The following CHD5 variants were observed in gnomAD, a reference collection of about 807,000 sequenced individuals.
The protein encoded by CHD5 is chromodomain helicase DNA binding protein 5.
A neutral mutation model predicts 230.3 loss-of-function variants in CHD5; 69 were observed. The ratio of observed to expected loss-of-function variants is 0.30; its 90% CI spans 0.25 to 0.37. The LOEUF (loss-of-function observed/expected upper bound fraction) is 0.37, where lower values mean the gene tolerates loss of function less well. Ranked by LOEUF, CHD5 falls within the 10% of genes least tolerant of loss-of-function variation. The probability of loss-of-function intolerance (pLI) is 1.00; values close to 1 mark genes in which losing one functional copy is unlikely to be tolerated. For synonymous variants in CHD5, 1,064 were observed against 1,065.9 expected (o/e 1.00, Z 0.03); for missense variants, 1,827 against 2,622.8 (o/e 0.70, Z 6.63).
In CHD5 at chr1:6,134,375, C is replaced by T; in HGVS notation, c.3013-116G>A. 4 of 1,275,602 alleles carry T rather than the reference C, an allele frequency of 3.1e-6. No homozygotes were observed. Among genetic ancestry groups the T allele is most frequent in the Non-Finnish European group, 4.4e-6 (4 of 912,316 alleles). 79.0% of individuals were successfully genotyped at this position (1,275,602 alleles called of 1,614,324 possible). On this transcript the variant is annotated intron_variant, in intron 19 of 41. Transcript: ENST00000262450. The surrounding 1 kb of genome is among the most constrained non-coding windows in gnomAD (Gnocchi z 6.3). ...GAGCAATGGGGTGATGGCCTGTCTG[C>T]CCACTGAACATGAGACCCACACCCG...
At position 6,134,766 on chromosome 1, in the gene CHD5, G is replaced by A; in HGVS notation, c.2964C>T (p.Asp988=). Residue 988 remains aspartate, a synonymous_variant, in exon 19 of 42, where the codon GAC becomes GAT. Transcript: ENST00000262450. The surrounding 1 kb of genome is among the most constrained non-coding windows in gnomAD (Gnocchi z 6.3). The part of the protein sequence containing the change: ...NQVSLLNIMM[D]LKKCCNHPYL... ...AGGGGTGGTTGCAGCACTTTTTCAGGTCCATCATGATGTTGAGCAGCGATA... is the reference window on the plus strand; with the variant it reads ...AGGGGTGGTTGCAGCACTTTTTCAGATCCATCATGATGTTGAGCAGCGATA... 2 of 1,614,106 alleles carry A rather than the reference G, an allele frequency of 1.2e-6. 1 individual carries two copies. Among genetic ancestry groups the A allele is most frequent in the South Asian group, 2.2e-5 (2 of 91,072 alleles).
At chr1:6,153,734 G>A (rs1227806709) in intron 5 of CHD5, among the ~76,000 whole-genome samples, 1 of 152,198 alleles carries the variant, frequency 6.6e-6, no homozygotes, top group Non-Finnish European at 1.5e-5. Flanking sequence ...AGGAGGCTGA[G>A]GCAGGAGAAT....
Position 6,167,568 on chromosome 1 carries a change from C to T in CHD5, c.207+582G>A, listed in dbSNP as rs1203310272. On this transcript the variant is annotated intron_variant, in intron 2 of 41. Coordinates refer to ENST00000262450, the MANE Select transcript of CHD5 (RefSeq NM_015557.3). The surrounding 1 kb of genome is among the most constrained non-coding windows in gnomAD (Gnocchi z 4.5). The stretch of plus-strand genomic sequence containing the variant: ...TGATCATGAGGATCAAGTGAGCCCG[C>T]GTGAAGCACAGAGAAGCACACTCGG... Among the ~76,000 whole-genome samples the T allele has an allele frequency of 2.0e-5, 3 of 152,186 alleles. No homozygotes were observed. Among genetic ancestry groups the T allele is most frequent in the East Asian group, 3.8e-4 (2 of 5,200 alleles).
rs1666624622 is a variant in CHD5, at chr1:6,129,742, G to T, written c.3387+462C>A. 6.6e-6 allele frequency among the ~76,000 whole-genome samples: 1 copy of T among 151,684 alleles called. No individual in the cohort carries two copies. The highest frequency in any genetic ancestry group is 6.6e-5 in the Admixed American group (1 of 15,236). On this transcript the variant is annotated intron_variant, in intron 22 of 41. Coordinates refer to ENST00000262450, the MANE Select transcript of CHD5 (RefSeq NM_015557.3). The surrounding 1 kb of genome is among the most constrained non-coding windows in gnomAD (Gnocchi z 6.8). ...CTATTCCCATACCCCTCCCCCCACA[G>T]CCCTTCCATCCTTCCTTACAGCCCC...
rs964890910 is a variant in CHD5, at chr1:6,105,034, T to A, written c.*440A>T. ...TGAGTCCACAGGGCAGTGCCAGGACTACCTTGGGTCTGGAACCCATCGGTA... is the reference window on the plus strand; with the variant it reads ...TGAGTCCACAGGGCAGTGCCAGGACAACCTTGGGTCTGGAACCCATCGGTA... On this transcript the variant is annotated 3_prime_UTR_variant, in exon 42 of 42. Transcript: ENST00000262450. This position sits in a 1 kb window ranked among gnomAD's most constrained non-coding sequence, Gnocchi z 4.8. 1 of 251,268 alleles carries A rather than the reference T, an allele frequency of 4.0e-6. No homozygotes were observed. The highest frequency in any genetic ancestry group is 2.3e-5 in the African/African-American group (1 of 43,708). 15.6% of individuals were successfully genotyped at this position (251,268 alleles called of 1,614,324 possible). A position where few individuals can be genotyped will look rare whatever the true frequency, so the allele number is the denominator to read the frequency against.
At chr1:6,143,747 AC>A in intron 13 of CHD5, 75 bp downstream of exon 13, 2 of 1,277,744 alleles carry the variant, frequency 1.6e-6, no homozygotes, top group Admixed American at 1.7e-5. Flanking sequence ...GAGAACACAC[AC>A]CCCCTGCACA....
intron 3 of CHD5, 49 bp downstream of exon 3, chr1:6,159,287 C>T: frequency 6.5e-7 from 1 of 1,548,696 alleles, no homozygotes; most frequent in Admixed American, 2.0e-5. Context: ...GCTCAGCCCC[C>T]TTAAAGGGGG....
chr1:6,128,672 G>A lies in CHD5; in HGVS notation c.3620-63C>T. ...CAGAGGGCTGCAGGGTTGGCGGGCAGTGCCCAGAGACACCACCCTGGGCTG... is the reference window on the plus strand; with the variant it reads ...CAGAGGGCTGCAGGGTTGGCGGGCAATGCCCAGAGACACCACCCTGGGCTG... On this transcript the variant is annotated intron_variant, in intron 23 of 41. Transcript: ENST00000262450. This position sits in a 1 kb window ranked among gnomAD's most constrained non-coding sequence, Gnocchi z 7.8. The A allele has an allele frequency of 1.4e-6, 2 of 1,426,830 alleles. No individual in the cohort carries two copies. The highest frequency in any genetic ancestry group is 2.0e-6 in the Non-Finnish European group (2 of 1,017,194). The allele number at this position is 1,426,830 out of a possible 1,614,324, so 88.4% of individuals were successfully genotyped here.
At chr1:6,164,024 G>A (rs542172950) in intron 2 of CHD5, among the ~76,000 whole-genome samples, 1 of 152,364 alleles carries the variant, frequency 6.6e-6, no homozygotes, top group East Asian at 1.9e-4. Flanking sequence ...GGGGCAGGCA[G>A]GAGGGGTCTC....
chr1:6,128,427 G>A lies in CHD5; in HGVS notation c.3730+72C>T. ...AGGACGCCCAAGTGAGGGCAGGTCA[G>A]GGAACCCCTCCTCTGCAGGAGCAGC... is the stretch of plus-strand genomic sequence containing the variant. On this transcript the variant is annotated intron_variant, in intron 24 of 41. Transcript: ENST00000262450. The surrounding 1 kb of genome is among the most constrained non-coding windows in gnomAD (Gnocchi z 7.8). The A allele has an allele frequency of 7.4e-7, 1 of 1,350,008 alleles. No homozygotes were observed. The highest frequency in any genetic ancestry group is 1.0e-6 in the Non-Finnish European group (1 of 952,754). 83.6% of individuals were successfully genotyped at this position (1,350,008 alleles called of 1,614,324 possible).
intron 2 of CHD5, among the ~76,000 whole-genome samples, chr1:6,162,193 C>T (rs919825449): frequency 2.0e-5 from 3 of 151,904 alleles, no homozygotes; most frequent in Non-Finnish European, 4.4e-5. Context: ...ACTAGCCTGA[C>T]CAACTTGGAG....
In CHD5 at chr1:6,106,642, G is replaced by A. The variant is rs1349809904; in HGVS notation, c.5716C>T (p.Arg1906Cys). The change falls in exon 39 of 42, where the codon CGC (arginine) becomes TGC (cysteine). Residue 1906 changes from arginine (R) to cysteine (C), a missense_variant. This residue lies in a region of CHD5 where 208 missense variants were observed against 302.0 expected (regional missense o/e 0.69). Transcript: ENST00000262450. The part of the protein sequence containing the change: ...ERSILSRLTN[R>C]AGDPTIQQGA... ...TGCTGGATGGTGGGGTCCCCGGCGCGGTTGGTCAGGCGGCTCAGGATGCTG... is the reference window on the plus strand; with the variant it reads ...TGCTGGATGGTGGGGTCCCCGGCGCAGTTGGTCAGGCGGCTCAGGATGCTG... 6 of 1,598,460 alleles carry A rather than the reference G, an allele frequency of 3.8e-6. No individual in the cohort carries two copies. Among genetic ancestry groups the A allele is most frequent in the South Asian group, 1.1e-5 (1 of 89,052 alleles).
intron 11 of CHD5, among the ~76,000 whole-genome samples, chr1:6,145,862 C>T (rs1261686243): frequency 1.3e-5 from 2 of 152,214 alleles, no homozygotes; most frequent in Admixed American, 6.5e-5. Context: ...GTTACAAACG[C>T]GGGGGAAATG....
chr1:6,171,899 C>A (rs1667343825), intron 1 of CHD5, among the ~76,000 whole-genome samples: 1 of 152,272 alleles, frequency 6.6e-6, no homozygotes, highest in Admixed American at 6.5e-5. Context: ...CCTGGCAGTG[C>A]CCTCATGCAC....
chr1:6,154,541 T>A lies in CHD5; in HGVS notation c.745+119A>T. 1 of 877,924 alleles carries A rather than the reference T, an allele frequency of 1.1e-6. No homozygotes were observed. Among genetic ancestry groups the A allele is most frequent in the South Asian group, 2.0e-5 (1 of 50,900 alleles). 54.4% of individuals were successfully genotyped at this position (877,924 alleles called of 1,614,324 possible). On this transcript the variant is annotated intron_variant, in intron 5 of 41. Coordinates refer to ENST00000262450, the MANE Select transcript of CHD5 (RefSeq NM_015557.3). This position sits in a 1 kb window ranked among gnomAD's most constrained non-coding sequence, Gnocchi z 7.0. ...CCAAGGTCACACAGGCACAGAGCCC[T>A]CCATTAGGAGCACCCCAGCTGCCCC...
chr1:6,164,512 G>A (rs1167842788), intron 2 of CHD5, among the ~76,000 whole-genome samples: 11 of 152,280 alleles, frequency 7.2e-5, no homozygotes, highest in African/African-American at 2.2e-4. Flanking sequence ...TCCACGACTT[G>A]CTGCCGGCCT....
chr1:6,160,447 G>A (rs60980468), intron 2 of CHD5, among the ~76,000 whole-genome samples: 3 of 131,564 alleles, frequency 2.3e-5, no homozygotes, highest in Admixed American at 7.7e-5. Flanking sequence ...CCCCAGCCAG[G>A]GAAGGGCCCC....
chr1:6,127,943 G>A, intron 25 of CHD5, 103 bp downstream of exon 25: 1 of 1,048,046 alleles, frequency 9.5e-7, no homozygotes, highest in Non-Finnish European at 1.4e-6. Flanking sequence ...AGGGCTGGCT[G>A]CGGCGGGAGG....
At chr1:6,147,998 C>T (rs769184553) in intron 9 of CHD5, among the ~76,000 whole-genome samples, 1 of 152,088 alleles carries the variant, frequency 6.6e-6, no homozygotes. Flanking sequence ...CTCCTGCCCC[C>T]CTCCCATCCC....
Sources: allele counts gnomAD v4.1 joint callset (sites outside exome capture counted in the v4.1 genomes callset), GRCh38; gene constraint gnomAD v4.1.1; regional missense constraint gnomAD v4.1.1; non-coding constraint Gnocchi (gnomAD v3.1); transcripts MANE v1.5; gene names NCBI Gene and HGNC (gene_info 2026-07-23, HGNC 2026-07-21).